PLCB1: variants seen among roughly 807,000 people sequenced by gnomAD.
PLCB1 encodes the protein phospholipase C beta 1.
PLCB1 carries 46 observed loss-of-function variants against 161.8 expected under a neutral mutation model. The observed-to-expected ratio is 0.28, with a 90% CI of 0.22 to 0.36. The LOEUF is 0.36. Ranked by LOEUF, PLCB1 falls within the 10% of genes least tolerant of loss-of-function variation. PLCB1 has a pLI of 1.00. For missense variants in PLCB1, 1,016 were observed against 1,472.5 expected (o/e 0.69, Z 5.07); for synonymous variants, 517 against 503.7 (o/e 1.03, Z -0.35).
At chr20:8,592,783 T>C (rs946207315) in intron 3 of PLCB1, among the ~76,000 whole-genome samples, 1 of 152,216 alleles carries the variant, frequency 6.6e-6, no homozygotes, top group Admixed American at 6.5e-5. Flanking sequence ...TTTCTGTTTT[T>C]AATCTAGCAG....
At chr20:8,722,105 AT>A (rs1338708574) in intron 14 of PLCB1, among the ~76,000 whole-genome samples, 5 of 152,014 alleles carry the variant, frequency 3.3e-5, no homozygotes, top group Non-Finnish European at 7.4e-5. Flanking sequence ...ATTGACACGC[AT>A]TTTTTAATAG....
chr20:8,712,065 G>A (rs977667136), intron 12 of PLCB1, among the ~76,000 whole-genome samples: 3 of 152,186 alleles, frequency 2.0e-5, no homozygotes, highest in Non-Finnish European at 4.4e-5. Context: ...CACTTTGGGA[G>A]GCCGAGACTG....
At chr20:8,443,170 T>C (rs1980649245) in intron 3 of PLCB1, among the ~76,000 whole-genome samples, 1 of 151,996 alleles carries the variant, frequency 6.6e-6, no homozygotes, top group Non-Finnish European at 1.5e-5. Context: ...TTAGTAGAGA[T>C]GGGGTTTCAC....
At chr20:8,784,537 T>C (rs999541523) in intron 27 of PLCB1, among the ~76,000 whole-genome samples, 8 of 145,862 alleles carry the variant, frequency 5.5e-5, no homozygotes, top group African/African-American at 2.0e-4. Context: ...CACTGCAGCC[T>C]GGGCAATAGA....
At chr20:8,146,836 C>A (rs1003244360) in intron 1 of PLCB1, among the ~76,000 whole-genome samples, 1 of 152,118 alleles carries the variant, frequency 6.6e-6, no homozygotes, top group Non-Finnish European at 1.5e-5. Context: ...ATAGGAATGA[C>A]AGTAAAACGT....
rs567405492 is a variant in PLCB1 at position 8,867,903 on chromosome 20, A to G, written c.3424-13719A>G. ...TAATATACATGTATTAAGTTAATAC[A>G]TGTAAGGTCCTAGGAACAGTGCCTG... On this transcript the variant is annotated intron_variant, in intron 31 of 31. Transcript: ENST00000338037. Among the ~76,000 whole-genome samples, 13 of 152,288 alleles carry G rather than the reference A, an allele frequency of 8.5e-5. No individual in the cohort carries two copies. In the South Asian group the frequency reaches 1.2e-3, roughly 15 times the overall value.
chr20:8,727,479 A>G, intron 17 of PLCB1, 86 bp downstream of exon 17: 1 of 773,212 alleles, frequency 1.3e-6, no homozygotes, highest in Non-Finnish European at 2.2e-6. Context: ...ATAAGGAGAA[A>G]GATGCATAAA....
At chr20:8,271,991 G>A (rs1014580752) in intron 2 of PLCB1, among the ~76,000 whole-genome samples, 1 of 152,090 alleles carries the variant, frequency 6.6e-6, no homozygotes, top group Non-Finnish European at 1.5e-5. Context: ...TGATATGTAC[G>A]TTTGTGTCAT....
chr20:8,745,912 G>T (rs1343572013), intron 23 of PLCB1, among the ~76,000 whole-genome samples: 5 of 152,070 alleles, frequency 3.3e-5, no homozygotes, highest in African/African-American at 1.2e-4. Flanking sequence ...TATCCTTCTA[G>T]CATGTTTCCT....
chr20:8,159,929 A>T (rs2123048481), intron 2 of PLCB1, among the ~76,000 whole-genome samples: 1 of 145,282 alleles, frequency 6.9e-6, no homozygotes, highest in East Asian at 2.1e-4. Flanking sequence ...TGGAGGTTGC[A>T]GTGAGCCAAG....
intron 2 of PLCB1, among the ~76,000 whole-genome samples, chr20:8,192,573 G>A (rs2051981439): frequency 1.3e-5 from 2 of 151,570 alleles, no homozygotes; most frequent in South Asian, 2.1e-4. Flanking sequence ...GAGGCAGGAT[G>A]TACCTCATCC....
chr20:8,181,156 G>A (rs1484897841), intron 2 of PLCB1, among the ~76,000 whole-genome samples: 1 of 150,578 alleles, frequency 6.6e-6, no homozygotes, highest in Admixed American at 6.6e-5. Flanking sequence ...GGCTGAGGCA[G>A]GAGAATTGCT....
At chr20:8,150,697 A>C (rs1436085582) in intron 2 of PLCB1, among the ~76,000 whole-genome samples, 1 of 152,166 alleles carries the variant, frequency 6.6e-6, no homozygotes, top group Non-Finnish European at 1.5e-5. Context: ...GTCCCCACCC[A>C]TAAAGGATGA....
intron 3 of PLCB1, among the ~76,000 whole-genome samples, chr20:8,594,831 G>C (rs976084281): frequency 5.9e-5 from 9 of 152,134 alleles, no homozygotes; most frequent in Non-Finnish European, 1.3e-4. Flanking sequence ...TAGACACTAA[G>C]CACATCTCTA....
chr20:8,582,800 C>T (rs145229453), intron 3 of PLCB1, among the ~76,000 whole-genome samples: 7 of 152,136 alleles, frequency 4.6e-5, no homozygotes, highest in African/African-American at 1.7e-4. Context: ...CCAGCCTGGC[C>T]CACATGGTGA....
chr20:8,635,142 T>A (rs1988720932), intron 4 of PLCB1, among the ~76,000 whole-genome samples: 1 of 152,188 alleles, frequency 6.6e-6, no homozygotes, highest in South Asian at 2.1e-4. Context: ...GTGTGTCTTA[T>A]AATCTATCCT....
chr20:8,158,646 C>G (rs1021522080), intron 2 of PLCB1, among the ~76,000 whole-genome samples: 11 of 152,144 alleles, frequency 7.2e-5, no homozygotes, highest in Admixed American at 1.3e-4. Context: ...TCCCTTCTGC[C>G]TATGAGCCTG....
chr20:8,818,385 A>G (rs909407391), intron 31 of PLCB1, among the ~76,000 whole-genome samples: 3 of 152,210 alleles, frequency 2.0e-5, no homozygotes, highest in Non-Finnish European at 4.4e-5. Context: ...AAAGGAAATC[A>G]TATCTCCATA....
At chr20:8,510,026 A>G (rs766283067) in intron 3 of PLCB1, among the ~76,000 whole-genome samples, 1 of 152,312 alleles carries the variant, frequency 6.6e-6, no homozygotes, top group African/African-American at 2.4e-5. Context: ...GGCAGTGATT[A>G]TAATTTATGA....
Sources: allele counts gnomAD v4.1 joint callset (sites outside exome capture counted in the v4.1 genomes callset), GRCh38; gene constraint gnomAD v4.1.1; transcripts MANE v1.5; gene names NCBI Gene and HGNC (gene_info 2026-07-23, HGNC 2026-07-21).